The following SLX4IP variants were observed in gnomAD, a reference collection of about 807,000 sequenced individuals.
SLX4IP encodes the protein SLX4 interacting protein, also known as protein SLX4IP.
A neutral mutation model predicts 32.9 loss-of-function variants in SLX4IP; 34 were observed. The ratio of observed to expected loss-of-function variants is 1.03; its 90% CI spans 0.79 to 1.38. SLX4IP has a LOEUF of 1.38. SLX4IP is among the 40% of genes most tolerant of loss of function. The pLI is 0.00. For synonymous variants in SLX4IP, 172 were observed against 171.7 expected, an observed-to-expected ratio of 1.00 and a Z score of -0.01; for missense variants, 444 against 479.0, an observed-to-expected ratio of 0.93 and a Z score of 0.68.
intron 1 of SLX4IP, among the ~76,000 whole-genome samples, chr20:10,446,695 A>G (rs138245080): frequency 1.6e-4 from 25 of 151,906 alleles, no homozygotes; most frequent in African/African-American, 4.8e-4. Flanking sequence ...TTGTGGTTTT[A>G]TTTTACATTT....
chr20:10,601,256 A>G (rs2066838291), intron 5 of SLX4IP, among the ~76,000 whole-genome samples: 1 of 152,196 alleles, frequency 6.6e-6, no homozygotes. Context: ...TTTGCCCTCC[A>G]GGGTCGGGGA....
At chr20:10,501,652 T>C (rs530510566) in intron 2 of SLX4IP, among the ~76,000 whole-genome samples, 32 of 152,358 alleles carry the variant, frequency 2.1e-4, no homozygotes, top group East Asian at 5.8e-4. Context: ...CCAAGACTTA[T>C]TGTGTGGCCA....
In SLX4IP at chr20:10,556,247, T is replaced by C. The variant is rs780513282; in HGVS notation, c.44T>C (p.Val15Ala). Residue 15 changes from valine (V) to alanine (A), a missense_variant, in exon 3 of 8, where the codon GTC (valine) becomes GCC (alanine). Val to Ala is a moderately conservative substitution (Grantham distance 64). Transcript: ENST00000334534. Reference protein sequence around the residue: ...KFAVKCGNFAVLVDLHILPQG... With the variant: ...KFAVKCGNFAALVDLHILPQG... ...GTCTTTCAGTGTGGGAATTTTGCTGTCCTCGTGGATCTTCATATCTTGCCA... is the reference window on the plus strand; with the variant it reads ...GTCTTTCAGTGTGGGAATTTTGCTGCCCTCGTGGATCTTCATATCTTGCCA... 10 of 1,613,738 alleles carry C rather than the reference T, an allele frequency of 6.2e-6. No individual in the cohort carries two copies. The highest frequency in any genetic ancestry group is 8.5e-6 in the Non-Finnish European group (10 of 1,179,854).
intron 3 of SLX4IP, among the ~76,000 whole-genome samples, chr20:10,556,753 T>C (rs1488857555): frequency 4.6e-5 from 7 of 152,206 alleles, no homozygotes; most frequent in African/African-American, 1.4e-4. Flanking sequence ...TTTTATTTTC[T>C]ATCATCCTTG....
intron 6 of SLX4IP, among the ~76,000 whole-genome samples, chr20:10,620,779 TCTC>T (rs2067101005): frequency 6.6e-6 from 1 of 152,138 alleles, no homozygotes; most frequent in South Asian, 2.1e-4. Context: ...ATGGTCTCGA[TCTC>T]CTGACCTCGT....
intron 3 of SLX4IP, among the ~76,000 whole-genome samples, chr20:10,558,234 G>A (rs1440655118): frequency 1.3e-5 from 2 of 151,740 alleles, no homozygotes. Context: ...CAGCTACTCT[G>A]GAGGCTGAGG....
At chr20:10,523,833 CACATT>C (rs1321297192) in intron 2 of SLX4IP, among the ~76,000 whole-genome samples, 1 of 152,236 alleles carries the variant, frequency 6.6e-6, no homozygotes, top group Admixed American at 6.5e-5. Flanking sequence ...AACAAAAAGT[CACATT>C]ATCACTTAGC....
At chr20:10,489,950 G>A (rs1244006828) in intron 2 of SLX4IP, among the ~76,000 whole-genome samples, 2 of 152,116 alleles carry the variant, frequency 1.3e-5, no homozygotes, top group African/African-American at 4.8e-5. Context: ...ATTTTCTTCT[G>A]CACTTAACTC....
intron 4 of SLX4IP, among the ~76,000 whole-genome samples, chr20:10,565,320 C>T (rs2066379386): frequency 6.6e-6 from 1 of 152,114 alleles, no homozygotes; most frequent in African/African-American, 2.4e-5. Context: ...TATTAGATAG[C>T]TCATAGGATC....
At chr20:10,548,658 C>T (rs1317011887) in intron 2 of SLX4IP, among the ~76,000 whole-genome samples, 6 of 152,098 alleles carry the variant, frequency 3.9e-5, no homozygotes, top group African/African-American at 7.2e-5. Flanking sequence ...GGCAAGGCAC[C>T]GCACCAAACA....
At chr20:10,496,276 G>GT (rs967015240) in intron 2 of SLX4IP, among the ~76,000 whole-genome samples, 10 of 152,166 alleles carry the variant, frequency 6.6e-5, no homozygotes, top group African/African-American at 2.2e-4. Flanking sequence ...TCATTTCTAC[G>GT]TGTTGGCAAC....
At chr20:10,542,458 A>G (rs939181999) in intron 2 of SLX4IP, among the ~76,000 whole-genome samples, 12 of 152,102 alleles carry the variant, frequency 7.9e-5, no homozygotes, top group Non-Finnish European at 1.5e-4. Flanking sequence ...TAGATTAATC[A>G]TTTTACTTTC....
chr20:10,618,540 A>G (rs1456310863), intron 6 of SLX4IP, among the ~76,000 whole-genome samples: 1 of 152,224 alleles, frequency 6.6e-6, no homozygotes, highest in Admixed American at 6.5e-5. Context: ...GGAATCATTT[A>G]TGAAGGCCCT....
At chr20:10,602,686 C>T (rs1052477248) in intron 6 of SLX4IP, among the ~76,000 whole-genome samples, 2 of 152,148 alleles carry the variant, frequency 1.3e-5, no homozygotes, top group Non-Finnish European at 2.9e-5. Context: ...GATTATTATG[C>T]TTCTAAAATA....
At chr20:10,513,006 T>C (rs949522632) in intron 2 of SLX4IP, among the ~76,000 whole-genome samples, 2 of 151,728 alleles carry the variant, frequency 1.3e-5, no homozygotes, top group Non-Finnish European at 2.9e-5. Flanking sequence ...TGGTCAGTCA[T>C]TTTTTGTTAC....
intron 2 of SLX4IP, among the ~76,000 whole-genome samples, chr20:10,474,497 C>T (rs188171904): frequency 6.6e-6 from 1 of 152,114 alleles, no homozygotes; most frequent in African/African-American, 2.4e-5. Context: ...TTCCTAGACC[C>T]CCTTCCCTTC....
intron 2 of SLX4IP, among the ~76,000 whole-genome samples, chr20:10,494,388 ATAT>A (rs1363717608): frequency 6.7e-6 from 1 of 150,150 alleles, no homozygotes; most frequent in Non-Finnish European, 1.5e-5. Flanking sequence ...TATTATATTT[ATAT>A]TATTATAAGT....
intron 6 of SLX4IP, among the ~76,000 whole-genome samples, chr20:10,606,407 A>G (rs2066906436): frequency 6.6e-6 from 1 of 152,198 alleles, no homozygotes; most frequent in South Asian, 2.1e-4. Flanking sequence ...GTGTTTAGAA[A>G]ATGAAATAAG....
rs1003635291 is a variant in SLX4IP, at chr20:10,624,023, C to T, written c.*644C>T. The T allele has an allele frequency of 2.6e-5, 4 of 152,536 alleles. No individual in the cohort carries two copies. The highest frequency in any genetic ancestry group is 9.7e-5 in the African/African-American group (4 of 41,450). 9.4% of individuals were successfully genotyped at this position (152,536 alleles called of 1,614,324 possible). A position where few individuals can be genotyped will look rare whatever the true frequency, so the allele number is the denominator to read the frequency against. The stretch of plus-strand genomic sequence containing the variant: ...TCCTGCAGCCTGGTTGCCATGGCCT[C>T]CAGCTCACCAGTTGGGGCCAGATGT... On this transcript the variant is annotated 3_prime_UTR_variant, in exon 8 of 8. Coordinates refer to ENST00000334534, the MANE Select transcript of SLX4IP (RefSeq NM_001009608.3).
Sources: gnomAD v4.1 joint callset for allele counts (sites outside exome capture counted in the v4.1 genomes callset) on GRCh38, gnomAD v4.1.1 for gene constraint, MANE v1.5 for transcripts, NCBI Gene and HGNC (gene_info 2026-07-23, HGNC 2026-07-21) for gene names.